The following CDH4 variants were observed in gnomAD, a reference collection of about 807,000 sequenced individuals.
CDH4 encodes cadherin 4, also known as cadherin-4.
A neutral mutation model predicts 86.0 loss-of-function variants in CDH4; 33 were observed. The ratio of observed to expected loss-of-function variants is 0.38; its 90% CI spans 0.29 to 0.51. The LOEUF is 0.51. CDH4 is among the 20% of genes least tolerant of loss of function. The probability of loss-of-function intolerance (pLI) is 0.86; values close to 1 mark genes in which losing one functional copy is unlikely to be tolerated. For missense variants in CDH4, 1,114 were observed against 1,307.4 expected (o/e 0.85, Z 2.28); for synonymous variants, 555 against 549.4 (o/e 1.01, Z -0.14).
chr20:61,746,314 T>G (rs1400815629), intron 3 of CDH4, among the ~76,000 whole-genome samples: 3 of 152,122 alleles, frequency 2.0e-5, no homozygotes, highest in Non-Finnish European at 4.4e-5. Flanking sequence ...CAGGGCACAG[T>G]GGGCAGTCTC....
intron 8 of CDH4, 119 bp downstream of exon 8, chr20:61,895,166 T>C (rs1985047543): frequency 4.1e-6 from 5 of 1,233,070 alleles, no homozygotes; most frequent in Non-Finnish European, 5.7e-6. Context: ...GCAGATAGCG[T>C]GTAAGAAAGG....
At chr20:61,291,990 A>G (rs534331852) in intron 2 of CDH4, among the ~76,000 whole-genome samples, 91 of 152,202 alleles carry the variant, frequency 6.0e-4, no homozygotes, top group Middle Eastern at 3.4e-3. Context: ...AAGTGAGAAC[A>G]TGCGGTATTC....
Position 61,536,775 on chromosome 20 carries a change from GGT to G in CDH4, c.170-206786_170-206785del, listed in dbSNP as rs2086000506. On this transcript the variant is annotated intron_variant, in intron 2 of 15. Transcript: ENST00000614565. Reference sequence around the variant, plus strand: ...GTCTGGGAGCAGTGCCCTGGCATCTGGTGGGTATAGTTTGGGGATGCCGCTAC... The same window carrying G: ...GTCTGGGAGCAGTGCCCTGGCATCTGGGGTATAGTTTGGGGATGCCGCTAC... Among the ~76,000 whole-genome samples the G allele has an allele frequency of 1.7e-4, 26 of 152,328 alleles. No homozygotes were observed. The South Asian group carries it at 5.4e-3, about 32-fold the overall frequency.
At chr20:61,701,338 A>G (rs6089477) in intron 2 of CDH4, among the ~76,000 whole-genome samples, 141,075 of 152,314 alleles carry the variant, frequency 0.93, 65,334 homozygotes, top group East Asian at 0.97. Flanking sequence ...TATGAATTGC[A>G]GGGGACAGAA....
chr20:61,373,709 G>T (rs992344280), intron 2 of CDH4, among the ~76,000 whole-genome samples: 1 of 152,202 alleles, frequency 6.6e-6, no homozygotes, highest in Non-Finnish European at 1.5e-5. Context: ...GGGCTGTTTT[G>T]TCCACTGAGG....
chr20:61,580,810 C>T (rs1439049841), intron 2 of CDH4, among the ~76,000 whole-genome samples: 2 of 152,290 alleles, frequency 1.3e-5, no homozygotes, highest in South Asian at 4.1e-4. Context: ...AGTGGGCCGA[C>T]CCCAGTCCCA....
intron 2 of CDH4, among the ~76,000 whole-genome samples, chr20:61,458,337 G>A (rs1385924893): frequency 6.6e-6 from 1 of 150,858 alleles, no homozygotes; most frequent in Non-Finnish European, 1.5e-5. Flanking sequence ...ATGGTCATGA[G>A]GGTGAGGGCA....
intron 2 of CDH4, among the ~76,000 whole-genome samples, chr20:61,716,156 A>G (rs1026843921): frequency 1.5e-4 from 23 of 152,178 alleles, no homozygotes; most frequent in African/African-American, 4.8e-4. Context: ...AAAGGGGTAG[A>G]TGCTCCTCAC....
At chr20:61,690,033 G>A (rs2087635736) in intron 2 of CDH4, among the ~76,000 whole-genome samples, 1 of 150,922 alleles carries the variant, frequency 6.6e-6, no homozygotes, top group Non-Finnish European at 1.5e-5. Context: ...ACACTGGTTG[G>A]TGAGGTGATG....
intron 2 of CDH4, among the ~76,000 whole-genome samples, chr20:61,356,985 T>C (rs1175929560): frequency 1.3e-5 from 2 of 152,158 alleles, no homozygotes; most frequent in Non-Finnish European, 2.9e-5. Flanking sequence ...CGAGGGAATC[T>C]GTAGTGGGCC....
chr20:61,351,215 A>G (rs2084710165), intron 2 of CDH4, among the ~76,000 whole-genome samples: 3 of 145,606 alleles, frequency 2.1e-5, no homozygotes, highest in South Asian at 4.6e-4. Context: ...CGGAGGAAGA[A>G]TTGTGCCTGT....
chr20:61,620,746 GTGTT>G (rs1257227034), intron 2 of CDH4, among the ~76,000 whole-genome samples: 11 of 152,242 alleles, frequency 7.2e-5, no homozygotes, highest in Non-Finnish European at 1.5e-5. Flanking sequence ...TTGTTTCTTT[GTGTT>G]TGTTTGTTTA....
At chr20:61,585,424 A>G (rs147838720) in intron 2 of CDH4, among the ~76,000 whole-genome samples, 179 of 152,332 alleles carry the variant, frequency 1.2e-3, no homozygotes, top group African/African-American at 4.2e-3. Flanking sequence ...GGGCAGGCCT[A>G]TATTATTTGA....
intron 2 of CDH4, among the ~76,000 whole-genome samples, chr20:61,279,504 G>A (rs1253736703): frequency 1.3e-5 from 2 of 152,184 alleles, no homozygotes; most frequent in East Asian, 1.9e-4. Flanking sequence ...TGGGGGCGGG[G>A]CCTTCCATTT....
At chr20:61,272,360 C>T (rs2084187907) in intron 2 of CDH4, among the ~76,000 whole-genome samples, 1 of 152,188 alleles carries the variant, frequency 6.6e-6, no homozygotes, top group Non-Finnish European at 1.5e-5. Context: ...TGCAGTCGCC[C>T]CCTGTCTATC....
At chr20:61,383,588 GA>G (rs375669046) in intron 2 of CDH4, among the ~76,000 whole-genome samples, 2 of 29,542 alleles carry the variant, frequency 6.8e-5, no homozygotes, top group Non-Finnish European at 9.5e-5. Context: ...GAATATATAT[GA>G]ATATATGATA....
At chr20:61,593,313 G>A (rs12329471) in intron 2 of CDH4, among the ~76,000 whole-genome samples, 3,989 of 152,332 alleles carry the variant, frequency 0.026, 70 homozygotes, top group Middle Eastern at 0.061. Context: ...ACACTAGTGT[G>A]CATGCATTTG....
At chr20:61,563,021 C>T (rs2086232871) in intron 2 of CDH4, among the ~76,000 whole-genome samples, 1 of 152,240 alleles carries the variant, frequency 6.6e-6, no homozygotes, top group African/African-American at 2.4e-5. Context: ...CAGTCTTGTC[C>T]AGCGGCTCCC....
intron 2 of CDH4, among the ~76,000 whole-genome samples, chr20:61,585,252 G>C (rs1021191757): frequency 7.2e-5 from 11 of 152,226 alleles, no homozygotes; most frequent in African/African-American, 1.4e-4. Context: ...GCTCACTCCA[G>C]CCGAGGGGCT....
Sources: gnomAD v4.1 joint callset for allele counts (sites outside exome capture counted in the v4.1 genomes callset) on GRCh38, gnomAD v4.1.1 for gene constraint, MANE v1.5 for transcripts, NCBI Gene and HGNC (gene_info 2026-07-23, HGNC 2026-07-21) for gene names.